The following TLE1 variants were observed in gnomAD, a reference collection of about 807,000 sequenced individuals.
TLE1 encodes transducin-like enhancer protein 1.
A neutral mutation model predicts 89.8 loss-of-function variants in TLE1; 21 were observed. The observed-to-expected ratio is 0.23, with a 90% confidence interval of 0.17 to 0.34. TLE1 has a LOEUF of 0.34. Among genes scored for constraint, TLE1 ranks in the 10% least tolerant of loss-of-function variants. The probability of loss-of-function intolerance (pLI) is 1.00; values close to 1 mark genes in which losing one functional copy is unlikely to be tolerated. For synonymous variants in TLE1, 447 were observed against 407.6 expected (o/e 1.10, Z -1.16); for missense variants, 795 against 1,031.2 (o/e 0.77, Z 3.14).
rs139072711 is a variant in TLE1, at chr9:81,634,299, C to T, written c.375G>A (p.Gln125=). The change falls in exon 7 of 20, where the codon CAG becomes CAA. Residue 125 remains glutamine (Q), a splice_region_variant and synonymous_variant. Coordinates refer to ENST00000376499, the MANE Select transcript of TLE1 (RefSeq NM_005077.5). ...TMAELNAIIG[Q]QQLQAQHLSH... ...AAAGATGCTGAGCTTGCAACTGCTG[C>T]TGCTGTTGGTGGTGGTGGTGAGAGA... 77 of 1,518,424 alleles carry T rather than the reference C, an allele frequency of 5.1e-5. No homozygotes were observed. The highest frequency in any genetic ancestry group is 6.2e-5 in the Non-Finnish European group (70 of 1,122,840). 94.1% of individuals were successfully genotyped at this position (1,518,424 alleles called of 1,614,324 possible). A position where few individuals can be genotyped will look rare whatever the true frequency, so the allele number is the denominator to read the frequency against.
Position 81,593,287 on chromosome 9 carries a change from C to T in TLE1, c.1332-13G>A, listed in dbSNP as rs370517305. The T allele has an allele frequency of 6.9e-6, 11 of 1,596,500 alleles. No individual in the cohort carries two copies. Among genetic ancestry groups the T allele is most frequent in the East Asian group, 2.3e-5 (1 of 44,414 alleles). ...GAAGGAGTATGCACTTTTGGAAAAACGATTGGAGAGAAGACAGAAAACACA... is the reference window on the plus strand; with the variant it reads ...GAAGGAGTATGCACTTTTGGAAAAATGATTGGAGAGAAGACAGAAAACACA... On this transcript the variant is annotated splice_polypyrimidine_tract_variant and intron_variant, in intron 14 of 19. Coordinates refer to ENST00000376499, the MANE Select transcript of TLE1 (RefSeq NM_005077.5).
chr9:81,605,058 C>T (rs139610627), intron 14 of TLE1, among the ~76,000 whole-genome samples: 7 of 152,332 alleles, frequency 4.6e-5, no homozygotes, highest in East Asian at 1.9e-4. Context: ...TGCCTGGCAT[C>T]GCACACAAAG....
intron 14 of TLE1, among the ~76,000 whole-genome samples, chr9:81,595,217 A>T (rs902200787): frequency 6.6e-6 from 1 of 152,196 alleles, no homozygotes; most frequent in African/African-American, 2.4e-5. Context: ...CCTTAGCAAT[A>T]TATCGAGTCC....
intron 3 of TLE1, 38 bp downstream of exon 3, chr9:81,685,795 C>T: frequency 6.2e-7 from 1 of 1,613,104 alleles, no homozygotes; most frequent in Non-Finnish European, 8.5e-7. Context: ...TTGCTAATAT[C>T]ATATGAAAAA....
At position 81,634,110 on chromosome 9, in the gene TLE1, T is replaced by G; in HGVS notation, c.564A>C (p.Ala188=). The G allele has an allele frequency of 6.2e-7, 1 of 1,608,624 alleles. No homozygotes were observed. Among genetic ancestry groups the G allele is most frequent in the Middle Eastern group, 1.7e-4 (1 of 6,054 alleles). ...AIKDDKKHHD[A]EHHRDREPGT... is the part of the protein sequence containing the mutation. Reference sequence around the variant, plus strand: ...CCGGCCTCTCACCTCTGTGGTGCTCTGCATCGTGGTGCTTCTTGTCATCTT... The same window carrying G: ...CCGGCCTCTCACCTCTGTGGTGCTCGGCATCGTGGTGCTTCTTGTCATCTT... The change falls in exon 7 of 20, where the codon GCA becomes GCC. Residue 188 remains alanine, a synonymous_variant. Coordinates refer to ENST00000376499, the MANE Select transcript of TLE1 (RefSeq NM_005077.5).
chr9:81,679,119 G>A (rs1833275970), intron 4 of TLE1, among the ~76,000 whole-genome samples: 1 of 152,148 alleles, frequency 6.6e-6, no homozygotes, highest in Non-Finnish European at 1.5e-5. Context: ...CTATACTCCA[G>A]TCTGGGTAAC....
chr9:81,619,715 G>A (rs1824991420), intron 9 of TLE1, among the ~76,000 whole-genome samples: 1 of 152,150 alleles, frequency 6.6e-6, no homozygotes. Flanking sequence ...GTCATACATC[G>A]GCTGCAATGT....
At chr9:81,601,544 G>T (rs1172228728) in intron 14 of TLE1, among the ~76,000 whole-genome samples, 2 of 151,438 alleles carry the variant, frequency 1.3e-5, no homozygotes, top group African/African-American at 4.9e-5. Flanking sequence ...AATATATAAG[G>T]CAGGTAGAGC....
At chr9:81,667,441 A>G (rs1314534222) in intron 4 of TLE1, among the ~76,000 whole-genome samples, 2 of 152,042 alleles carry the variant, frequency 1.3e-5, no homozygotes, top group Non-Finnish European at 2.9e-5. Flanking sequence ...ATGTTTCCCT[A>G]ACACATTTAA....
intron 4 of TLE1, among the ~76,000 whole-genome samples, chr9:81,655,009 C>A (rs1472242187): frequency 6.6e-6 from 1 of 152,140 alleles, no homozygotes; most frequent in Non-Finnish European, 1.5e-5. Context: ...ACCGACAGGG[C>A]CCAGGGGTCA....
chr9:81,633,380 C>CCAAG lies in TLE1; in HGVS notation c.578-20_578-17dup, dbSNP rs764973198. The CCAAG allele has an allele frequency of 6.2e-7, 1 of 1,612,642 alleles. No homozygotes were observed. The highest frequency in any genetic ancestry group is 8.5e-7 in the Non-Finnish European group (1 of 1,179,748). ...GGCTCTCTGTCTGCTCCCGAGGTTA[C>CCAAG]CAAGAAACGCACAGACATGCCCGTT... On this transcript the variant is annotated splice_polypyrimidine_tract_variant and intron_variant, in intron 7 of 19. Coordinates refer to ENST00000376499, the MANE Select transcript of TLE1 (RefSeq NM_005077.5).
At chr9:81,623,819 C>CA (rs1337708506) in intron 8 of TLE1, among the ~76,000 whole-genome samples, 1 of 151,766 alleles carries the variant, frequency 6.6e-6, no homozygotes, top group Non-Finnish European at 1.5e-5. Flanking sequence ...AAATAAAAAT[C>CA]AAAAAAATAA....
chr9:81,664,652 C>G (rs548462280), intron 4 of TLE1, among the ~76,000 whole-genome samples: 137 of 151,836 alleles, frequency 9.0e-4, no homozygotes, highest in Non-Finnish European at 1.8e-3. Flanking sequence ...ACCTTGAGCC[C>G]AGGAGTTTGA....
chr9:81,675,599 G>C (rs1405013967), intron 4 of TLE1, among the ~76,000 whole-genome samples: 6 of 151,506 alleles, frequency 4.0e-5, no homozygotes, highest in Non-Finnish European at 8.8e-5. Context: ...ACTGACTACA[G>C]ATCACTCTTC....
chr9:81,644,069 C>A lies in TLE1; in HGVS notation c.372+8145G>T, dbSNP rs149820077. Among the ~76,000 whole-genome samples, 41 of 152,142 alleles carry A rather than the reference C, an allele frequency of 2.7e-4. No homozygotes were observed. The East Asian group carries it at 5.2e-3, about 19-fold the overall frequency. ...ATGCGGCCTCACACCCATTAGGATG[C>A]GGAGAATAAAAAAGATGGACAGGAA... is the stretch of plus-strand genomic sequence containing the variant. On this transcript the variant is annotated intron_variant, in intron 6 of 19. Transcript: ENST00000376499.
Position 81,613,505 on chromosome 9 carries a change from G to T in TLE1, c.935C>A (p.Thr312Lys). 1 of 1,614,152 alleles carries T rather than the reference G, an allele frequency of 6.2e-7. No homozygotes were observed. The highest frequency in any genetic ancestry group is 1.1e-5 in the South Asian group (1 of 91,076). The part of the protein sequence containing the change: ...KEMSLHEKAS[T>K]PVLKSSTPTP... ...TGGTGTGCTGGATTTCAGAACAGGC[G>T]TGCTGGCTTTTTCATGCTGGTGTCA... is the stretch of plus-strand genomic sequence containing the variant. Residue 312 changes from threonine (T) to lysine (K), a missense_variant, in exon 12 of 20, where the codon ACG becomes AAG. Transcript: ENST00000376499.
chr9:81,649,459 C>G (rs1829271674), intron 6 of TLE1, among the ~76,000 whole-genome samples: 1 of 152,172 alleles, frequency 6.6e-6, no homozygotes, highest in African/African-American at 2.4e-5. Flanking sequence ...TTAGCCCTGT[C>G]AAGCAAGCAG....
chr9:81,659,770 T>G (rs1428957175), intron 4 of TLE1, among the ~76,000 whole-genome samples: 1 of 152,180 alleles, frequency 6.6e-6, no homozygotes, highest in Non-Finnish European at 1.5e-5. Context: ...CTTAAACCAC[T>G]GGGTCCCAAC....
Position 81,610,313 on chromosome 9 carries a change from G to C in TLE1, c.1255-17C>G. 2 of 1,605,844 alleles carry C rather than the reference G, an allele frequency of 1.2e-6. No homozygotes were observed. The highest frequency in any genetic ancestry group is 1.7e-6 in the Non-Finnish European group (2 of 1,173,230). On this transcript the variant is annotated splice_polypyrimidine_tract_variant and intron_variant, in intron 13 of 19. Coordinates refer to ENST00000376499, the MANE Select transcript of TLE1 (RefSeq NM_005077.5). The stretch of plus-strand genomic sequence containing the variant: ...AAACCCCACCTGGAAACAAAAATAA[G>C]GCATTGCAGACTCAGTTTATTGCAG...
Sources: allele counts gnomAD v4.1 joint callset (sites outside exome capture counted in the v4.1 genomes callset), GRCh38; gene constraint gnomAD v4.1.1; transcripts MANE v1.5; gene names NCBI Gene and HGNC (gene_info 2026-07-23, HGNC 2026-07-21).